ZFYVE1: variants seen among roughly 807,000 people sequenced by gnomAD.
ZFYVE1 encodes zinc finger FYVE-type containing 1.
Under a neutral mutation model 74.4 loss-of-function variants are expected in ZFYVE1, and 30 were observed. The ratio of observed to expected loss-of-function variants is 0.40; its 90% confidence interval spans 0.30 to 0.55. The LOEUF (loss-of-function observed/expected upper bound fraction) is 0.55, where lower values mean the gene tolerates loss of function less well. ZFYVE1 is among the 20% of genes least tolerant of loss of function. The pLI is 0.42. For synonymous variants in ZFYVE1, 335 were observed against 385.1 expected (o/e 0.87, Z 1.52); for missense variants, 703 against 1,011.6 (o/e 0.69, Z 4.14).
chr14:72,977,082 G>T (rs1186738226), intron 8 of ZFYVE1, among the ~76,000 whole-genome samples: 6 of 152,184 alleles, frequency 3.9e-5, no homozygotes, highest in Admixed American at 3.9e-4. Context: ...AAACAGATTT[G>T]TATTTCTGAC....
In ZFYVE1 at chr14:72,974,801, G is replaced by A. The variant is rs752407764; in HGVS notation, c.1965C>T (p.Tyr655=). 18 of 1,602,752 alleles carry A rather than the reference G, an allele frequency of 1.1e-5. No homozygotes were observed. Among genetic ancestry groups the A allele is most frequent in the African/African-American group, 6.7e-5 (5 of 74,688 alleles). Residue 655 remains tyrosine (Y), a synonymous_variant, in exon 10 of 12, where the codon TAC becomes TAT. Transcript: ENST00000556143. The part of the protein sequence containing the change: ...PAPVRVCDNC[Y]EARNVQLAVT... ...TACCTAACTGGACGTTCCTGGCTTC[G>A]TAGCAGTTGTCACAGACCCGCACTG... is the stretch of plus-strand genomic sequence containing the variant.
chr14:73,015,296 A>AGG (rs1567362951), intron 2 of ZFYVE1, among the ~76,000 whole-genome samples: 6 of 44,686 alleles, frequency 1.3e-4, no homozygotes, highest in South Asian at 2.3e-3. Flanking sequence ...AAGGAAGGAA[A>AGG]GAAGGGAGGG....
intron 4 of ZFYVE1, among the ~76,000 whole-genome samples, chr14:72,989,849 G>T (rs1893567904): frequency 6.6e-6 from 1 of 151,850 alleles, no homozygotes; most frequent in African/African-American, 2.4e-5. Flanking sequence ...GGAGATTCAA[G>T]AAATCAAACA....
chr14:73,011,896 C>T (rs1894099421), intron 2 of ZFYVE1, among the ~76,000 whole-genome samples: 1 of 149,666 alleles, frequency 6.7e-6, no homozygotes, highest in African/African-American at 2.5e-5. Flanking sequence ...ATATAAAATG[C>T]ATAAGAAAAC....
At chr14:72,993,589 G>GATTACAGGCA (rs373921203) in intron 3 of ZFYVE1, among the ~76,000 whole-genome samples, 45,213 of 150,920 alleles carry the variant, frequency 0.3, 7,120 homozygotes, top group Middle Eastern at 0.38. Context: ...ATCCCTACTA[G>GATTACAGGCA]TCCAGAGGCT....
chr14:73,014,236 G>C (rs11622549), intron 2 of ZFYVE1, among the ~76,000 whole-genome samples: 2 of 152,142 alleles, frequency 1.3e-5, no homozygotes, highest in African/African-American at 2.4e-5. Flanking sequence ...ACAAAATAGC[G>C]TACCAAGTTA....
chr14:72,974,271 C>G, intron 10 of ZFYVE1, 78 bp from the exon 11 acceptor site: 1 of 1,350,160 alleles, frequency 7.4e-7, no homozygotes, highest in South Asian at 1.2e-5. Context: ...AATAGCAGAA[C>G]GCTTCTGGAT....
chr14:72,991,111 C>T (rs1893600201), intron 4 of ZFYVE1, among the ~76,000 whole-genome samples: 1 of 150,968 alleles, frequency 6.6e-6, no homozygotes, highest in African/African-American at 2.4e-5. Flanking sequence ...TGAGGTAGGA[C>T]ATCCAAGACT....
chr14:72,979,291 G>T (rs1466999077), intron 5 of ZFYVE1: 4 of 253,452 alleles, frequency 1.6e-5, no homozygotes, highest in African/African-American at 6.6e-5. Flanking sequence ...CTTCAGGTCA[G>T]AAGTTCAAGA....
At position 72,979,222 on chromosome 14, in the gene ZFYVE1, G is replaced by A. The variant is rs186550747; in HGVS notation, c.1311-253C>T. 2.6e-4 allele frequency: 108 copies of A among 413,056 alleles called. No individual in the cohort carries two copies. The East Asian group carries it at 4.2e-3, about 16-fold the overall frequency. 25.6% of individuals were successfully genotyped at this position (413,056 alleles called of 1,614,324 possible). A position where few individuals can be genotyped will look rare whatever the true frequency, so the allele number is the denominator to read the frequency against. ...CACAGGGGAAAAAGAAATCTCAGCCGGGCACGGTGGCTCACGTCTGTAATC... is the reference window on the plus strand; with the variant it reads ...CACAGGGGAAAAAGAAATCTCAGCCAGGCACGGTGGCTCACGTCTGTAATC... On this transcript the variant is annotated intron_variant, in intron 5 of 11. Transcript: ENST00000556143.
At chr14:73,019,669 C>T (rs948952185) in intron 2 of ZFYVE1, among the ~76,000 whole-genome samples, 2 of 152,016 alleles carry the variant, frequency 1.3e-5, no homozygotes, top group Non-Finnish European at 2.9e-5. Context: ...AAGTTTAGGC[C>T]GAGGCCAGGC....
chr14:72,993,186 G>T lies in ZFYVE1; in HGVS notation c.1160C>A (p.Thr387Asn). The T allele has an allele frequency of 6.2e-7, 1 of 1,613,380 alleles. No individual in the cohort carries two copies. Among genetic ancestry groups the T allele is most frequent in the Non-Finnish European group, 8.5e-7 (1 of 1,179,628 alleles). Reference protein sequence around the residue: ...ALEQLLENNTTRSPRHPGVIF... With the variant: ...ALEQLLENNTNRSPRHPGVIF... ...GACTCCCGGGTGCCGGGGAGAACGGGTGGTGTTATTCTCTAGTAGCTGCTC... is the reference window on the plus strand; with the variant it reads ...GACTCCCGGGTGCCGGGGAGAACGGTTGGTGTTATTCTCTAGTAGCTGCTC... The change falls in exon 4 of 12, where the codon ACC becomes AAC. Residue 387 changes from threonine (T) to asparagine (N), a missense_variant. Physicochemically the swap from Thr to Asn is moderately conservative, Grantham distance 65. This residue lies in a region of ZFYVE1 where 492 missense variants were observed against 790.0 expected (regional missense o/e 0.62). Transcript: ENST00000556143.
intron 2 of ZFYVE1, among the ~76,000 whole-genome samples, chr14:73,004,215 A>G (rs529000470): frequency 7.7e-4 from 117 of 152,256 alleles, no homozygotes; most frequent in African/African-American, 2.6e-3. Context: ...ACCGGCACGG[A>G]GTCAGGTGAG....
chr14:72,973,773 G>C (rs1017297717), intron 11 of ZFYVE1, among the ~76,000 whole-genome samples: 10 of 152,178 alleles, frequency 6.6e-5, no homozygotes, highest in Non-Finnish European at 8.8e-5. Flanking sequence ...ATGCCACTTG[G>C]AGCTGAATAA....
intron 2 of ZFYVE1, among the ~76,000 whole-genome samples, chr14:73,003,358 A>G (rs1433624333): frequency 1.3e-5 from 2 of 152,148 alleles, no homozygotes; most frequent in Non-Finnish European, 2.9e-5. Context: ...CTGATTCTCA[A>G]GAGTCTGCTG....
chr14:73,000,768 T>A (rs1773173364), intron 2 of ZFYVE1, among the ~76,000 whole-genome samples: 1 of 152,060 alleles, frequency 6.6e-6, no homozygotes, highest in African/African-American at 2.4e-5. Context: ...TCCACACAAA[T>A]CTTCTAAGTA....
chr14:73,017,390 G>A (rs1159456341), intron 2 of ZFYVE1, among the ~76,000 whole-genome samples: 1 of 152,180 alleles, frequency 6.6e-6, no homozygotes, highest in Non-Finnish European at 1.5e-5. Flanking sequence ...AAGCTCAGTT[G>A]TGACAACCAA....
chr14:72,976,518 C>G (rs1223218359), intron 8 of ZFYVE1, among the ~76,000 whole-genome samples: 1 of 152,126 alleles, frequency 6.6e-6, no homozygotes, highest in Non-Finnish European at 1.5e-5. Context: ...GGTGCGATGG[C>G]TCACGCCTGT....
intron 4 of ZFYVE1, chr14:72,986,838 T>C: frequency 2.0e-6 from 2 of 981,886 alleles, no homozygotes; most frequent in South Asian, 4.7e-5. Context: ...CCCTGATTTT[T>C]CTTTACATAC....
Sources: allele counts gnomAD v4.1 joint callset (sites outside exome capture counted in the v4.1 genomes callset), GRCh38; gene constraint gnomAD v4.1.1; regional missense constraint gnomAD v4.1.1; transcripts MANE v1.5; gene names NCBI Gene and HGNC (gene_info 2026-07-23, HGNC 2026-07-21).